The following TPPP2 variants were observed in gnomAD, a reference collection of about 807,000 sequenced individuals.
TPPP2 encodes tubulin polymerization-promoting protein family member 2.
A neutral mutation model predicts 13.0 loss-of-function variants in TPPP2; 8 were observed. The observed-to-expected ratio is 0.62, with a 90% CI of 0.36 to 1.11. TPPP2 has a LOEUF of 1.11. Among genes scored for constraint, TPPP2 ranks in the 50% most tolerant of loss-of-function variants. The pLI, the probability that TPPP2 is intolerant of heterozygous loss-of-function variation, is 0.02. For synonymous variants in TPPP2, 81 were observed against 81.8 expected (o/e 0.99, Z 0.05); for missense variants, 213 against 216.9 (o/e 0.98, Z 0.11).
At chr14:21,033,684 G>C, downstream of TPPP2, 2 of 689,358 alleles carry the variant, frequency 2.9e-6, no homozygotes, top group Non-Finnish European at 5.3e-6. Context: ...GGACATTTTC[G>C]CACCCACCTG....
chr14:21,026,894 G>A (rs1192792611), upstream of TPPP2, among the ~76,000 whole-genome samples: 1 of 152,216 alleles, frequency 6.6e-6, no homozygotes, highest in Non-Finnish European at 1.5e-5. Flanking sequence ...AGGTGCGCAA[G>A]ACAGGAGAGA....
At chr14:21,025,269 C>T (rs1883308495), upstream of TPPP2, 2 of 892,772 alleles carry the variant, frequency 2.2e-6, no homozygotes, top group Non-Finnish European at 2.7e-6. This position sits in a 1 kb window ranked among gnomAD's most constrained non-coding sequence, Gnocchi z 5.1. Flanking sequence ...CGCTTCCAGG[C>T]TCTGCTCGGC....
downstream of TPPP2, chr14:21,034,651 C>A: frequency 4.6e-6 from 1 of 217,876 alleles, no homozygotes; most frequent in Non-Finnish European, 9.1e-6. Context: ...AAGGAGCAGG[C>A]TGACCTGACA....
downstream of TPPP2, chr14:21,034,146 A>C: frequency 6.2e-7 from 1 of 1,614,214 alleles, no homozygotes; most frequent in African/African-American, 1.3e-5. Context: ...ATAGCCCCGG[A>C]AACCCTTTGG....
At chr14:21,035,440 C>T (rs1295260539), downstream of TPPP2, among the ~76,000 whole-genome samples, 1 of 152,200 alleles carries the variant, frequency 6.6e-6, no homozygotes, top group East Asian at 1.9e-4. Flanking sequence ...CAACATCTTC[C>T]CTTTCATCAG....
chr14:21,027,604 T>C (rs1353061801), upstream of TPPP2, among the ~76,000 whole-genome samples: 1 of 152,234 alleles, frequency 6.6e-6, no homozygotes, highest in African/African-American at 2.4e-5. Context: ...AAACTATGAA[T>C]TCATCAATAC....
upstream of TPPP2, among the ~76,000 whole-genome samples, chr14:21,029,696 C>A (rs1883929106): frequency 6.6e-6 from 1 of 152,148 alleles, no homozygotes; most frequent in South Asian, 2.1e-4. Context: ...TTTATGAGGG[C>A]AGAGCCTTTC....
chr14:21,034,805 G>A (rs1331724805), downstream of TPPP2: 2 of 155,264 alleles, frequency 1.3e-5, no homozygotes, highest in Admixed American at 1.3e-4. Context: ...AGGAGGGAAT[G>A]TCCCCGAGTT....
chr14:21,033,551 T>A, downstream of TPPP2: 1 of 503,266 alleles, frequency 2.0e-6, no homozygotes, highest in South Asian at 2.2e-5. Context: ...ACAGTCAACT[T>A]CTTGGGTGGG....
chr14:21,033,679 T>C, downstream of TPPP2: 1 of 680,858 alleles, frequency 1.5e-6, no homozygotes, highest in South Asian at 1.7e-5. Flanking sequence ...GCCCTGGACA[T>C]TTTCGCACCC....
chr14:21,031,241 C>A, intron 3 of TPPP2, 76 bp downstream of exon 3: 3 of 1,542,602 alleles, frequency 1.9e-6, no homozygotes, highest in South Asian at 1.3e-5. Flanking sequence ...CCTAACCCTG[C>A]CAACTGTGTG....
chr14:21,032,793 G>A lies in TPPP2; in HGVS notation c.*716G>A. The A allele has an allele frequency of 2.1e-5, 8 of 372,438 alleles. 1 individual carries two copies. The highest frequency in any genetic ancestry group is 1.4e-4 in the South Asian group (7 of 49,196). 23.1% of individuals were successfully genotyped at this position (372,438 alleles called of 1,614,324 possible). A position where few individuals can be genotyped will look rare whatever the true frequency, so the allele number is the denominator to read the frequency against. On this transcript the variant is annotated 3_prime_UTR_variant, in exon 4 of 4. Coordinates refer to ENST00000321760, the MANE Select transcript of TPPP2 (RefSeq NM_173846.5). ...GGAGTTCTGGTGCACTGAAGAAAAA[G>A]CAATTAAATCACAACAGAGTCAGAT... is the stretch of plus-strand genomic sequence containing the variant.
rs558997315 is a variant in TPPP2 at position 21,024,811 on chromosome 14, C to T, written n.236+467C>T. The T allele has an allele frequency of 4.5e-5, 44 of 985,648 alleles. No homozygotes were observed. In the East Asian group the frequency reaches 1.9e-3, roughly 43 times the overall value. 61.1% of individuals were successfully genotyped at this position (985,648 alleles called of 1,614,324 possible). A position where few individuals can be genotyped will look rare whatever the true frequency, so the allele number is the denominator to read the frequency against. The stretch of plus-strand genomic sequence containing the variant: ...GACTGACACCCTTGCGTGGCCGGTG[C>T]CAAGCGCCCCGGACCTTGCACACAA... On this transcript the variant is annotated intron_variant and non_coding_transcript_variant, in intron 1 of 1. Coordinates refer to the TPPP2 transcript ENST00000533755.
At chr14:21,027,585 A>G (rs1883779178), upstream of TPPP2, among the ~76,000 whole-genome samples, 1 of 152,222 alleles carries the variant, frequency 6.6e-6, no homozygotes, top group Non-Finnish European at 1.5e-5. Flanking sequence ...CCCCTGATGG[A>G]GAAAATGCAA....
chr14:21,033,600 G>T (rs1429884044), downstream of TPPP2: 2 of 587,070 alleles, frequency 3.4e-6, no homozygotes. Context: ...ATGAGGAGGT[G>T]GGGGCGAAGA....
At chr14:21,026,939 G>A (rs1023552651), upstream of TPPP2, among the ~76,000 whole-genome samples, 2 of 146,350 alleles carry the variant, frequency 1.4e-5, no homozygotes, top group Admixed American at 1.3e-4. Context: ...GGGAGAGGGA[G>A]AGCCTCGAGT....
chr14:21,031,873 A>G lies in TPPP2; in HGVS notation c.328-19A>G. On this transcript the variant is annotated intron_variant, in intron 3 of 3. Coordinates refer to ENST00000321760, the MANE Select transcript of TPPP2 (RefSeq NM_173846.5). ...GCGTAAGGAAAGGAAGAGAGCTCAAATCCATCCCTGGCTTGCAGAAAGCAA... is the reference window on the plus strand; with the variant it reads ...GCGTAAGGAAAGGAAGAGAGCTCAAGTCCATCCCTGGCTTGCAGAAAGCAA... 6.2e-7 allele frequency: 1 copy of G among 1,610,142 alleles called. No homozygotes were observed. Among genetic ancestry groups the G allele is most frequent in the Non-Finnish European group, 8.5e-7 (1 of 1,176,924 alleles).
In TPPP2 at chr14:21,032,003, G is replaced by A. The variant is rs756627454; in HGVS notation, c.439G>A (p.Glu147Lys). 7 of 1,614,052 alleles carry A rather than the reference G, an allele frequency of 4.3e-6. No homozygotes were observed. The African/African-American group carries it at 8.0e-5, about 18-fold the overall frequency. The change falls in exon 4 of 4, where the codon GAA (glutamate) becomes AAA (lysine). Residue 147 changes from glutamate to lysine, a missense_variant. Physicochemically the swap from Glu to Lys is moderately conservative, Grantham distance 56. Transcript: ENST00000321760. ...CAAGGGCAAGGGCATTGCGGGACGG[G>A]AAGAGATGACTGACAACACAGGCTA... ...SGKGKGIAGR[E>K]EMTDNTGYVS...
At chr14:21,024,494 T>C in intron 1 of TPPP2, 1 of 984,536 alleles carries the variant, frequency 1.0e-6, no homozygotes, top group Non-Finnish European at 1.2e-6. Context: ...CCCCAAAATT[T>C]TTGACAGCTC....
Sources: allele counts gnomAD v4.1 joint callset (sites outside exome capture counted in the v4.1 genomes callset), GRCh38; gene constraint gnomAD v4.1.1; non-coding constraint Gnocchi (gnomAD v3.1); transcripts MANE v1.5; gene names NCBI Gene and HGNC (gene_info 2026-07-23, HGNC 2026-07-21).